Variants in ANKS6 observed in about 807,000 individuals in gnomAD.
The protein encoded by ANKS6 is ankyrin repeat and SAM domain-containing protein 6.
A neutral mutation model predicts 77.9 loss-of-function variants in ANKS6; 47 were observed. That is an observed-to-expected ratio of 0.60 (90% confidence interval 0.48 to 0.77). ANKS6 has a LOEUF of 0.77. Among genes scored for constraint, ANKS6 ranks in the 30% least tolerant of loss-of-function variants. The pLI is 0.00. For synonymous variants in ANKS6, 488 were observed against 501.7 expected (o/e 0.97, Z 0.37); for missense variants, 1,150 against 1,159.1 (o/e 0.99, Z 0.11).
rs995553477 is a variant in ANKS6 at position 98,735,861 on chromosome 9, A to G, written c.*658T>C. On this transcript the variant is annotated 3_prime_UTR_variant, in exon 15 of 15. Transcript: ENST00000353234. ...TGCAGTGGAATGCTACAGCAGTCAC[A>G]TACACAGCACTAAGGGACCCAGTGG... The G allele has an allele frequency of 2.6e-5, 32 of 1,232,094 alleles. 1 individual carries two copies. Among genetic ancestry groups the G allele is most frequent in the East Asian group, 6.3e-5 (2 of 31,696 alleles). The allele number at this position is 1,232,094 out of a possible 1,614,324, so 76.3% of individuals were successfully genotyped here. A position where few individuals can be genotyped will look rare whatever the true frequency, so the allele number is the denominator to read the frequency against.
At chr9:98,783,386 G>A (rs962885127) in intron 4 of ANKS6, among the ~76,000 whole-genome samples, 6 of 152,162 alleles carry the variant, frequency 3.9e-5, no homozygotes, top group African/African-American at 1.2e-4. Context: ...CTAACTGGGA[G>A]TCAGATCACT....
chr9:98,772,347 A>C (rs1833688116), intron 9 of ANKS6, among the ~76,000 whole-genome samples: 1 of 152,218 alleles, frequency 6.6e-6, no homozygotes, highest in South Asian at 2.1e-4. Context: ...GCCTAGAATC[A>C]AGAGAAGCTG....
Position 98,790,065 on chromosome 9 carries a change from GGGGT to G in ANKS6, c.862+35_862+38del. On this transcript the variant is annotated intron_variant, in intron 2 of 14. Transcript: ENST00000353234. Reference sequence around the variant, plus strand: ...AGCTTAAGCCACATAAACACAATTTGGGGTCCTCTGTGAAGCCACGGGGGGCATG... The same window carrying G: ...AGCTTAAGCCACATAAACACAATTTGCCTCTGTGAAGCCACGGGGGGCATG... The G allele has an allele frequency of 3.3e-6, 5 of 1,522,678 alleles. No individual in the cohort carries two copies. In the South Asian group the frequency reaches 5.1e-5, roughly 16 times the overall value. 94.3% of individuals were successfully genotyped at this position (1,522,678 alleles called of 1,614,324 possible).
Position 98,732,820 on chromosome 9 carries a change from T to A in ANKS6, c.*3699A>T, listed in dbSNP as rs563779411. 1 of 1,277,834 alleles carries A rather than the reference T, an allele frequency of 7.8e-7. No individual in the cohort carries two copies. The highest frequency in any genetic ancestry group is 3.5e-5 in the East Asian group (1 of 28,896). 79.2% of individuals were successfully genotyped at this position (1,277,834 alleles called of 1,614,324 possible). A position where few individuals can be genotyped will look rare whatever the true frequency, so the allele number is the denominator to read the frequency against. ...CAGGGTAACAGGTTGCTTCTACTCA[T>A]TTTAAAGGACTAAAAACAGAAAAAC... On this transcript the variant is annotated 3_prime_UTR_variant, in exon 15 of 15. Coordinates refer to ENST00000353234, the MANE Select transcript of ANKS6 (RefSeq NM_173551.5).
rs529672766 is a variant in ANKS6, at chr9:98,780,251, G to C, written c.1306C>G (p.His436Asp). ...CTCCAGGGCTGTCGGACCTTCGAGT[G>C]GGGCAGGGGAGGCTGGTGGCTCGGC... ...GRPSHQPPLP[H>D]SKVRQPWSIP... The change falls in exon 6 of 15, where the codon CAC becomes GAC. Residue 436 changes from histidine to aspartate, a missense_variant. Coordinates refer to ENST00000353234, the MANE Select transcript of ANKS6 (RefSeq NM_173551.5). 49 of 1,613,924 alleles carry C rather than the reference G, an allele frequency of 3.0e-5. No individual in the cohort carries two copies. The East Asian group carries it at 1.1e-3, about 36-fold the overall frequency.
intron 3 of ANKS6, 129 bp downstream of exon 3, chr9:98,784,703 A>G (rs1173351642): frequency 1.1e-6 from 1 of 877,614 alleles, no homozygotes; most frequent in Non-Finnish European, 1.8e-6. Flanking sequence ...ACTTCCAAAC[A>G]CCAAACACCA....
Position 98,732,066 on chromosome 9 carries a change from GA to G in ANKS6, c.*4452del, listed in dbSNP as rs1588299659. ...AAAACATCAGGTCTCTTTACACGTT[GA>G]ACAGGAACTGCTGGTTAACAAGACA... On this transcript the variant is annotated 3_prime_UTR_variant, in exon 15 of 15. Coordinates refer to ENST00000353234, the MANE Select transcript of ANKS6 (RefSeq NM_173551.5). 5.2e-6 allele frequency: 1 copy of G among 191,100 alleles called. No homozygotes were observed. Among genetic ancestry groups the G allele is most frequent in the East Asian group, 1.3e-4 (1 of 7,426 alleles). 11.8% of individuals were successfully genotyped at this position (191,100 alleles called of 1,614,324 possible).
At chr9:98,755,431 T>C (rs1301557059) in intron 12 of ANKS6, among the ~76,000 whole-genome samples, 1 of 152,184 alleles carries the variant, frequency 6.6e-6, no homozygotes, top group East Asian at 1.9e-4. Flanking sequence ...GATTCCTTTC[T>C]TCATCTGCCT....
At chr9:98,784,534 C>G (rs1296311446) in intron 3 of ANKS6, 1 of 423,580 alleles carries the variant, frequency 2.4e-6, no homozygotes, top group East Asian at 3.7e-5. Flanking sequence ...GGCTAAATGC[C>G]TCTTTGTCAC....
At chr9:98,749,325 C>T (rs766077945) in intron 13 of ANKS6, among the ~76,000 whole-genome samples, 8 of 152,202 alleles carry the variant, frequency 5.3e-5, no homozygotes, top group Non-Finnish European at 1.0e-4. Flanking sequence ...GGCCCCAGCT[C>T]CCTCCCTGAC....
At chr9:98,776,749 T>C (rs773345752) in intron 8 of ANKS6, among the ~76,000 whole-genome samples, 4 of 152,024 alleles carry the variant, frequency 2.6e-5, no homozygotes, top group Non-Finnish European at 5.9e-5. Context: ...GGCTACCTCT[T>C]CTCCCCTCCT....
At chr9:98,748,187 A>C (rs895153987) in intron 13 of ANKS6, among the ~76,000 whole-genome samples, 1 of 152,194 alleles carries the variant, frequency 6.6e-6, no homozygotes. Context: ...TGAATGAATG[A>C]ATGACAGCAT....
intron 2 of ANKS6, among the ~76,000 whole-genome samples, chr9:98,786,128 G>A (rs1250850215): frequency 6.6e-6 from 1 of 151,052 alleles, no homozygotes; most frequent in East Asian, 2.0e-4. Context: ...ACAGGCACAC[G>A]CCACTACACC....
intron 12 of ANKS6, among the ~76,000 whole-genome samples, chr9:98,754,921 G>C (rs1423415103): frequency 6.6e-6 from 1 of 151,968 alleles, no homozygotes; most frequent in Non-Finnish European, 1.5e-5. Context: ...CTCTTTTTTG[G>C]AAAACAATGG....
At chr9:98,746,674 G>A (rs1000281207) in intron 13 of ANKS6, among the ~76,000 whole-genome samples, 72 of 150,490 alleles carry the variant, frequency 4.8e-4, no homozygotes, top group African/African-American at 1.7e-3. Context: ...CAGCATCCTC[G>A]CCGTTCTCCA....
intron 2 of ANKS6, among the ~76,000 whole-genome samples, chr9:98,785,162 A>G (rs1834497122): frequency 1.3e-5 from 2 of 152,200 alleles, no homozygotes; most frequent in South Asian, 4.1e-4. Context: ...GGCAAAACAA[A>G]CGTTGGCATA....
intron 12 of ANKS6, among the ~76,000 whole-genome samples, chr9:98,755,418 TG>T (rs1832646680): frequency 6.6e-6 from 1 of 152,178 alleles, no homozygotes; most frequent in African/African-American, 2.4e-5. Context: ...TTTAAAAGGA[TG>T]GGATTCCTTT....
At chr9:98,777,355 C>T (rs763449823) in intron 8 of ANKS6, 50 bp downstream of exon 8, 4 of 1,579,490 alleles carry the variant, frequency 2.5e-6, no homozygotes, top group East Asian at 4.5e-5. Context: ...AATCAATCAA[C>T]TGATGATTGC....
intron 8 of ANKS6, among the ~76,000 whole-genome samples, chr9:98,776,644 A>T (rs987233631): frequency 1.3e-4 from 20 of 151,962 alleles, no homozygotes; most frequent in Non-Finnish European, 2.9e-4. Context: ...CACGTGATTC[A>T]CCTGCCTCCG....
Sources: allele counts gnomAD v4.1 joint callset (sites outside exome capture counted in the v4.1 genomes callset), GRCh38; gene constraint gnomAD v4.1.1; transcripts MANE v1.5; gene names NCBI Gene and HGNC (gene_info 2026-07-23, HGNC 2026-07-21).